Variants in PARN observed in about 807,000 individuals in gnomAD.
PARN encodes the protein poly(A)-specific ribonuclease.
In PARN, 71 loss-of-function variants were observed where a neutral mutation model predicts 102.8. The observed-to-expected ratio is 0.69, with a 90% CI of 0.57 to 0.84. The LOEUF is 0.84. Among genes scored for constraint, PARN ranks in the 40% least tolerant of loss-of-function variants. The pLI is 0.00. For synonymous variants in PARN, 261 were observed against 252.9 expected (o/e 1.03, Z -0.30); for missense variants, 782 against 760.9 (o/e 1.03, Z -0.33).
chr16:14,464,808 A>C (rs1300840730), intron 22 of PARN, among the ~76,000 whole-genome samples: 1 of 152,084 alleles, frequency 6.6e-6, no homozygotes, highest in Non-Finnish European at 1.5e-5. Flanking sequence ...TTATACATAC[A>C]AAAGAACTTG....
chr16:14,617,447 G>T, intron 6 of PARN, 143 bp downstream of exon 6: 3 of 578,542 alleles, frequency 5.2e-6, no homozygotes, highest in Non-Finnish European at 6.3e-6. Flanking sequence ...CTGCATATGT[G>T]TACTGGCTGC....
Position 14,556,397 on chromosome 16 carries a change from T to A in PARN, c.1263-688A>T, listed in dbSNP as rs1967694772. The stretch of plus-strand genomic sequence containing the variant: ...CTAGTCTCTAACTCCTGACCTCAAG[T>A]GATCCACCTGCCTCAGCCTCCCAAA... On this transcript the variant is annotated intron_variant, in intron 18 of 23. Coordinates refer to ENST00000437198, the MANE Select transcript of PARN (RefSeq NM_002582.4). Among the ~76,000 whole-genome samples, 3 of 152,106 alleles carry A rather than the reference T, an allele frequency of 2.0e-5. No homozygotes were observed. The South Asian group carries it at 6.2e-4, about 32-fold the overall frequency.
chr16:14,562,049 G>A (rs1968100887), intron 18 of PARN, among the ~76,000 whole-genome samples: 1 of 152,224 alleles, frequency 6.6e-6, no homozygotes, highest in Non-Finnish European at 1.5e-5. Flanking sequence ...CTACTCGGGA[G>A]GCTGAGGCAG....
intron 3 of PARN, 21 bp downstream of exon 3, chr16:14,628,150 AT>A (rs1972793239): frequency 2.2e-6 from 3 of 1,381,022 alleles, no homozygotes; most frequent in Non-Finnish European, 3.1e-6. Flanking sequence ...AAAGAAAAAG[AT>A]TTCCTAGCAC....
intron 18 of PARN, among the ~76,000 whole-genome samples, chr16:14,558,089 A>G (rs1191595150): frequency 6.6e-6 from 1 of 152,214 alleles, no homozygotes. Flanking sequence ...TAGTAAATTT[A>G]GAAATAGTCT....
rs1482949977 is a variant in PARN, at chr16:14,440,694, C to T, written c.1865-3922G>A. On this transcript the variant is annotated intron_variant, in intron 23 of 23. Transcript: ENST00000437198. ...TAAAACGGAGTGTACTGAGGATACA[C>T]GCACCACCACAAATCACAAATGCAT... 6.6e-5 allele frequency among the ~76,000 whole-genome samples: 10 copies of T among 152,244 alleles called. No homozygotes were observed. In the East Asian group the frequency reaches 1.5e-3, roughly 24 times the overall value.
intron 21 of PARN, among the ~76,000 whole-genome samples, chr16:14,488,422 A>G (rs1963853652): frequency 1.3e-5 from 2 of 152,272 alleles, no homozygotes; most frequent in Admixed American, 6.5e-5. Flanking sequence ...GTCCATCAGA[A>G]GACACTTTAA....
intron 18 of PARN, among the ~76,000 whole-genome samples, chr16:14,570,815 C>CAA (rs761919651): frequency 8.8e-4 from 34 of 38,644 alleles, no homozygotes; most frequent in East Asian, 1.4e-3. Context: ...CCCACCTCTA[C>CAA]AAAAAAAAAA....
chr16:14,438,451 G>GGGT (rs1555475684), intron 23 of PARN, among the ~76,000 whole-genome samples: 3 of 148,952 alleles, frequency 2.0e-5, no homozygotes, highest in Non-Finnish European at 3.0e-5. Flanking sequence ...TGGGGGGGGG[G>GGGT]GTGTGTGAGT....
chr16:14,582,076 A>T, intron 17 of PARN, 105 bp downstream of exon 17: 1 of 779,594 alleles, frequency 1.3e-6, no homozygotes, highest in Non-Finnish European at 2.3e-6. Context: ...TCTGTTGTTT[A>T]AGCCCCACAC....
At chr16:14,454,160 A>C (rs868818049) in intron 22 of PARN, among the ~76,000 whole-genome samples, 11 of 152,304 alleles carry the variant, frequency 7.2e-5, no homozygotes, top group Non-Finnish European at 1.3e-4. Flanking sequence ...TTGTATGTAG[A>C]TACAACTACA....
At chr16:14,478,346 C>G (rs1470138008) in intron 22 of PARN, among the ~76,000 whole-genome samples, 2 of 152,016 alleles carry the variant, frequency 1.3e-5, no homozygotes, top group South Asian at 4.2e-4. Flanking sequence ...AGACAAAACC[C>G]ATAAGACAAG....
At chr16:14,585,535 GAGAT>G (rs1346546787) in intron 14 of PARN, among the ~76,000 whole-genome samples, 6 of 152,082 alleles carry the variant, frequency 3.9e-5, no homozygotes, top group African/African-American at 1.4e-4. Flanking sequence ...TGATGTCTCA[GAGAT>G]ATGTGACATA....
chr16:14,582,956 A>G (rs1225314143), intron 16 of PARN, among the ~76,000 whole-genome samples: 1 of 152,202 alleles, frequency 6.6e-6, no homozygotes, highest in African/African-American at 2.4e-5. Context: ...AAAAAAGAGA[A>G]GACTGCAATT....
chr16:14,530,059 G>A (rs1282704031), intron 21 of PARN, among the ~76,000 whole-genome samples: 4 of 152,180 alleles, frequency 2.6e-5, no homozygotes, highest in Non-Finnish European at 2.9e-5. Context: ...AATGGCCCTT[G>A]GGTGTCAGAC....
intron 21 of PARN, among the ~76,000 whole-genome samples, chr16:14,535,016 T>C (rs559997191): frequency 1.3e-5 from 2 of 152,268 alleles, no homozygotes; most frequent in East Asian, 3.9e-4. Flanking sequence ...GTATTTTTAG[T>C]AGAGACAGGG....
intron 21 of PARN, among the ~76,000 whole-genome samples, chr16:14,543,795 G>T (rs1242916717): frequency 6.6e-6 from 1 of 152,026 alleles, no homozygotes; most frequent in African/African-American, 2.4e-5. Context: ...CACAGAGAAA[G>T]CAAACAAAAA....
intron 22 of PARN, among the ~76,000 whole-genome samples, chr16:14,473,775 C>T (rs1212111868): frequency 6.6e-6 from 1 of 152,172 alleles, no homozygotes; most frequent in Non-Finnish European, 1.5e-5. Context: ...TAGCAGTGGA[C>T]AGTTGTGGGT....
At chr16:14,484,278 G>T (rs1963538152) in intron 21 of PARN, among the ~76,000 whole-genome samples, 1 of 152,188 alleles carries the variant, frequency 6.6e-6, no homozygotes. Flanking sequence ...AGGCTGCTGT[G>T]GATGGATCAC....
Sources: gnomAD v4.1 joint callset for allele counts (sites outside exome capture counted in the v4.1 genomes callset) on GRCh38, gnomAD v4.1.1 for gene constraint, MANE v1.5 for transcripts, NCBI Gene and HGNC (gene_info 2026-07-23, HGNC 2026-07-21) for gene names.